Variants in CADM2 observed in about 807,000 individuals in gnomAD.
CADM2 encodes the protein immunoglobulin superfamily member 4D.
Under a neutral mutation model 49.8 loss-of-function variants are expected in CADM2, and 12 were observed. The observed-to-expected ratio is 0.24, with a 90% CI of 0.15 to 0.39. The LOEUF is 0.39. Ranked by LOEUF, CADM2 falls within the 10% of genes least tolerant of loss-of-function variation. The probability of loss-of-function intolerance (pLI) is 1.00; values close to 1 mark genes in which losing one functional copy is unlikely to be tolerated. For missense variants in CADM2, 378 were observed against 492.3 expected (o/e 0.77, Z 2.20); for synonymous variants, 214 against 175.4 (o/e 1.22, Z -1.74).
At chr3:85,930,479 T>A (rs1182753553) in intron 6 of CADM2, among the ~76,000 whole-genome samples, 2 of 152,142 alleles carry the variant, frequency 1.3e-5, no homozygotes, top group African/African-American at 2.4e-5. Context: ...TAACTTATTT[T>A]AAAATATATA....
At chr3:85,702,978 G>C (rs561172265) in intron 1 of CADM2, among the ~76,000 whole-genome samples, 1 of 152,266 alleles carries the variant, frequency 6.6e-6, no homozygotes, top group South Asian at 2.1e-4. Context: ...TGTCAACTAT[G>C]AAACTAGGGT....
At chr3:85,599,980 C>T (rs1412893722) in intron 1 of CADM2, among the ~76,000 whole-genome samples, 1 of 151,696 alleles carries the variant, frequency 6.6e-6, no homozygotes, top group African/African-American at 2.4e-5. Flanking sequence ...TGTCTATTTC[C>T]TTAGATAAAA....
intron 5 of CADM2, among the ~76,000 whole-genome samples, chr3:85,908,254 C>CTTTTTTTTTTTT (rs898710165): frequency 1.5e-5 from 1 of 65,786 alleles, no homozygotes; most frequent in Non-Finnish European, 3.1e-5. Context: ...TTTTTTTCTT[C>CTTTTTTTTTTTT]TTTTTTTTTT....
At chr3:85,059,329 AC>A (rs1423962190) in intron 1 of CADM2, among the ~76,000 whole-genome samples, 3 of 151,336 alleles carry the variant, frequency 2.0e-5, no homozygotes, top group Admixed American at 6.7e-5. Flanking sequence ...AAAAAAAAAA[AC>A]AACTATGCAT....
chr3:85,727,079 C>T (rs2067730846), intron 2 of CADM2, among the ~76,000 whole-genome samples: 1 of 151,990 alleles, frequency 6.6e-6, no homozygotes. Flanking sequence ...ATGCACATGT[C>T]CAACGCTGAA....
intron 8 of CADM2, among the ~76,000 whole-genome samples, chr3:86,060,540 G>A (rs1182711612): frequency 2.0e-5 from 3 of 152,012 alleles, no homozygotes; most frequent in African/African-American, 7.2e-5. Context: ...GAAAATACAA[G>A]GATATGTAAA....
At chr3:85,401,863 C>A (rs2035127961) in intron 1 of CADM2, among the ~76,000 whole-genome samples, 1 of 152,090 alleles carries the variant, frequency 6.6e-6, no homozygotes, top group Non-Finnish European at 1.5e-5. Flanking sequence ...CTGCCAAACA[C>A]AGAACAGTCA....
intron 1 of CADM2, among the ~76,000 whole-genome samples, chr3:85,121,476 A>G (rs889724701): frequency 2.6e-5 from 4 of 152,160 alleles, no homozygotes; most frequent in African/African-American, 7.2e-5. Context: ...TCTGCAAAGG[A>G]TAAAGAGATG....
intron 1 of CADM2, among the ~76,000 whole-genome samples, chr3:85,622,901 G>A (rs535381411): frequency 6.6e-6 from 1 of 152,136 alleles, no homozygotes; most frequent in Non-Finnish European, 1.5e-5. Context: ...TACTCAAATG[G>A]GATGGGCTTT....
chr3:86,057,653 T>G (rs1738150543), intron 8 of CADM2, among the ~76,000 whole-genome samples: 1 of 152,150 alleles, frequency 6.6e-6, no homozygotes, highest in Admixed American at 6.5e-5. Flanking sequence ...CTTAAACAAG[T>G]GAATTAATCT....
At chr3:85,987,149 C>T (rs1298424918) in intron 8 of CADM2, among the ~76,000 whole-genome samples, 1 of 151,952 alleles carries the variant, frequency 6.6e-6, no homozygotes, top group African/African-American at 2.4e-5. Context: ...TTGTTTGCTG[C>T]ATTTGGAAAA....
intron 1 of CADM2, among the ~76,000 whole-genome samples, chr3:85,624,008 C>A (rs2064049264): frequency 6.6e-6 from 1 of 151,948 alleles, no homozygotes; most frequent in Non-Finnish European, 1.5e-5. Context: ...TGATGATTGT[C>A]AGAAATGTTG....
At chr3:85,100,095 A>AT in intron 1 of CADM2, among the ~76,000 whole-genome samples, 1 of 151,960 alleles carries the variant, frequency 6.6e-6, no homozygotes, top group East Asian at 1.9e-4. Flanking sequence ...GTTGCTCTAA[A>AT]TTTTTCTTTC....
At chr3:85,047,372 G>A (rs961967209) in intron 1 of CADM2, among the ~76,000 whole-genome samples, 1 of 152,002 alleles carries the variant, frequency 6.6e-6, no homozygotes, top group Admixed American at 6.6e-5. Flanking sequence ...AGATTATAAA[G>A]GATTTGCAAC....
intron 1 of CADM2, among the ~76,000 whole-genome samples, chr3:85,639,355 A>G (rs1373268625): frequency 9.2e-5 from 14 of 152,218 alleles, no homozygotes. Flanking sequence ...TGCATCGCAC[A>G]CTATGCTCCC....
intron 1 of CADM2, among the ~76,000 whole-genome samples, chr3:85,014,806 C>T (rs2034179155): frequency 6.6e-6 from 1 of 152,066 alleles, no homozygotes. Context: ...AAATTACATA[C>T]CATCAATGTT....
chr3:85,966,317 G>C (rs1577806206), intron 8 of CADM2, among the ~76,000 whole-genome samples: 1 of 151,668 alleles, frequency 6.6e-6, no homozygotes, highest in African/African-American at 2.4e-5. Context: ...AGTTATAGCA[G>C]AGTTGAGATG....
Position 85,270,357 on chromosome 3 carries a change from A to T in CADM2, c.61+310689A>T, listed in dbSNP as rs1259883402. On this transcript the variant is annotated intron_variant, in intron 1 of 9. Coordinates refer to ENST00000383699, the MANE Select transcript of CADM2 (RefSeq NM_001167675.2). ...CATATCCATCTGAGGAAAAACTAAA[A>T]TATCCAGCTCTATATATGCATATGT... Among the ~76,000 whole-genome samples, 4 of 151,422 alleles carry T rather than the reference A, an allele frequency of 2.6e-5. 1 individual carries two copies. In the Admixed American group the frequency reaches 2.6e-4, roughly 10 times the overall value.
chr3:84,998,706 T>G (rs1311928664), intron 1 of CADM2, among the ~76,000 whole-genome samples: 1 of 152,118 alleles, frequency 6.6e-6, no homozygotes, highest in African/African-American at 2.4e-5. Context: ...AAAGGTTAGC[T>G]TGGACGTTTC....
Sources: allele counts gnomAD v4.1 joint callset (sites outside exome capture counted in the v4.1 genomes callset), GRCh38; gene constraint gnomAD v4.1.1; transcripts MANE v1.5; gene names NCBI Gene and HGNC (gene_info 2026-07-23, HGNC 2026-07-21).